The following AGBL1 variants were observed in gnomAD, a reference collection of about 807,000 sequenced individuals.
AGBL1 encodes the protein AGBL carboxypeptidase 1.
Under a neutral mutation model 118.9 loss-of-function variants are expected in AGBL1, and 130 were observed. That is an observed-to-expected ratio of 1.09 (90% CI 0.95 to 1.26). The LOEUF is 1.26. Ranked by LOEUF, AGBL1 falls within the 50% of genes most tolerant of loss-of-function variation. AGBL1 has a pLI of 0.00. For missense variants in AGBL1, 1,584 were observed against 1,298.1 expected (o/e 1.22, Z -3.38); for synonymous variants, 555 against 478.9 (o/e 1.16, Z -2.08).
intron 5 of AGBL1, among the ~76,000 whole-genome samples, chr15:86,216,642 C>T (rs948089593): frequency 2.0e-5 from 3 of 152,154 alleles, no homozygotes; most frequent in African/African-American, 7.2e-5. Context: ...ATCCTTTTTA[C>T]TTGTTGCTGT....
chr15:86,652,502 C>T (rs1488569479), intron 21 of AGBL1, among the ~76,000 whole-genome samples: 1 of 151,990 alleles, frequency 6.6e-6, no homozygotes, highest in East Asian at 1.9e-4. Context: ...ATTAACACAC[C>T]GAGATGTGGT....
At position 86,253,164 on chromosome 15, in the gene AGBL1, A is replaced by G. The variant is rs556710519; in HGVS notation, c.736-3689A>G. ...TTGTGAGTAAGGGTGGAGGCATGAG[A>G]TTGAGTTGGAGTCATGGGCAGTGCC... On this transcript the variant is annotated intron_variant, in intron 7 of 22. Coordinates refer to ENST00000614907, the MANE Select transcript of AGBL1 (RefSeq NM_001386094.1). Among the ~76,000 whole-genome samples the G allele has an allele frequency of 3.9e-5, 6 of 152,298 alleles. No individual in the cohort carries two copies. The South Asian group carries it at 1.2e-3, about 32-fold the overall frequency.
intron 17 of AGBL1, among the ~76,000 whole-genome samples, chr15:86,318,792 A>C (rs889630755): frequency 6.9e-6 from 1 of 144,714 alleles, no homozygotes; most frequent in East Asian, 2.0e-4. Context: ...TTTAGAATGC[A>C]TGAATCCATG....
intron 20 of AGBL1, among the ~76,000 whole-genome samples, chr15:86,553,878 T>C (rs1596258666): frequency 6.9e-6 from 1 of 145,700 alleles, no homozygotes; most frequent in Admixed American, 6.8e-5. Context: ...TTTTTTTTTT[T>C]GATATGCTGT....
At chr15:86,479,906 TA>T (rs1161270396) in intron 18 of AGBL1, among the ~76,000 whole-genome samples, 1 of 152,156 alleles carries the variant, frequency 6.6e-6, no homozygotes, top group African/African-American at 2.4e-5. Flanking sequence ...TATGCAGCCA[TA>T]AAAAAGGATG....
At chr15:86,403,802 T>C (rs1343659932) in intron 18 of AGBL1, among the ~76,000 whole-genome samples, 5 of 152,158 alleles carry the variant, frequency 3.3e-5, no homozygotes, top group African/African-American at 1.2e-4. Flanking sequence ...GCTGTAGATA[T>C]TTAAGGGAGT....
chr15:86,156,524 A>C (rs2141698024), intron 4 of AGBL1, among the ~76,000 whole-genome samples: 1 of 152,264 alleles, frequency 6.6e-6, no homozygotes, highest in Non-Finnish European at 1.5e-5. Context: ...TCAATGTATG[A>C]ATTTAGGAGT....
At chr15:86,425,402 TA>T (rs1185068806) in intron 18 of AGBL1, among the ~76,000 whole-genome samples, 1 of 150,242 alleles carries the variant, frequency 6.7e-6, no homozygotes. Context: ...GGTGGGGGGC[TA>T]GGGGAGGGAT....
chr15:86,527,042 A>G (rs1219776504), intron 19 of AGBL1, among the ~76,000 whole-genome samples: 4 of 152,188 alleles, frequency 2.6e-5, no homozygotes, highest in Admixed American at 6.5e-5. Context: ...AAAATGTACA[A>G]TCTTTTCATT....
rs1555462936 is a variant in AGBL1, at chr15:86,298,246, A to ATTATATATATATAT, written c.2374+2838_2374+2839insTTATATATATATAT. ...GTATACAGGGTACGTGTCTGTGTAT[A>ATTATATATATATAT]ATATATATATATATATATATATATA... On this transcript the variant is annotated intron_variant, in intron 17 of 22. Coordinates refer to ENST00000614907, the MANE Select transcript of AGBL1 (RefSeq NM_001386094.1). Among the ~76,000 whole-genome samples the ATTATATATATATAT allele has an allele frequency of 3.7e-3, 257 of 69,784 alleles. 6 individuals are homozygous for ATTATATATATATAT. Among genetic ancestry groups the ATTATATATATATAT allele is most frequent in the Middle Eastern group, 6.6e-3 (1 of 152 alleles). 45.8% of individuals were successfully genotyped at this position (69,784 alleles called of 152,430 possible).
chr15:86,606,126 C>CA (rs10675845), intron 21 of AGBL1, among the ~76,000 whole-genome samples: 50,040 of 96,812 alleles, frequency 0.52, 13,058 homozygotes, highest in Middle Eastern at 0.64. Context: ...GACTCCATCT[C>CA]AAAAAAAAAA....
intron 22 of AGBL1, among the ~76,000 whole-genome samples, chr15:86,732,987 T>C (rs2141219136): frequency 6.7e-6 from 1 of 149,104 alleles, no homozygotes; most frequent in East Asian, 1.9e-4. Flanking sequence ...ATACAGGAGA[T>C]GGCTATATAT....
intron 18 of AGBL1, among the ~76,000 whole-genome samples, chr15:86,513,849 TTG>T (rs2142183312): frequency 6.6e-6 from 1 of 152,234 alleles, no homozygotes; most frequent in South Asian, 2.1e-4. Flanking sequence ...CATTTCACCA[TTG>T]TGGTTCCCTT....
chr15:86,785,704 T>C (rs545456334), intron 22 of AGBL1, among the ~76,000 whole-genome samples: 1 of 152,268 alleles, frequency 6.6e-6, no homozygotes, highest in South Asian at 2.1e-4. Context: ...GTAGTGATTA[T>C]GATGAGCAAT....
intron 1 of AGBL1, among the ~76,000 whole-genome samples, chr15:86,136,580 A>C (rs2076892372): frequency 6.6e-6 from 1 of 152,176 alleles, no homozygotes; most frequent in African/African-American, 2.4e-5. Flanking sequence ...TGCTACAAAG[A>C]GTGGGGAGAA....
intron 18 of AGBL1, among the ~76,000 whole-genome samples, chr15:86,470,475 G>A (rs555854681): frequency 2.0e-5 from 3 of 152,140 alleles, no homozygotes; most frequent in Admixed American, 6.5e-5. Flanking sequence ...CTACAAGTTC[G>A]TGGTATGCTT....
intron 5 of AGBL1, among the ~76,000 whole-genome samples, chr15:86,191,365 AAAAAAGAG>A (rs2077718053): frequency 6.6e-6 from 1 of 150,676 alleles, no homozygotes; most frequent in Non-Finnish European, 1.5e-5. Flanking sequence ...AAAAAAAAAA[AAAAAAGAG>A]AGAGAGAGAA....
intron 1 of AGBL1, chr15:86,140,321 A>G (rs942336082): frequency 1.3e-5 from 2 of 149,018 alleles, no homozygotes; most frequent in Non-Finnish European, 3.0e-5. Context: ...TTGAAGTCTG[A>G]TTTTAACTCT....
intron 23 of AGBL1, among the ~76,000 whole-genome samples, chr15:86,924,939 T>A (rs1471944915): frequency 9.9e-5 from 15 of 151,468 alleles, no homozygotes; most frequent in Non-Finnish European, 8.8e-5. Context: ...AATTAAAAAA[T>A]TTAAAAATTA....
Sources: gnomAD v4.1 joint callset for allele counts (sites outside exome capture counted in the v4.1 genomes callset) on GRCh38, gnomAD v4.1.1 for gene constraint, MANE v1.5 for transcripts, NCBI Gene and HGNC (gene_info 2026-07-23, HGNC 2026-07-21) for gene names.